Variants in CA10 observed in about 807,000 individuals in gnomAD.
CA10 encodes the protein carbonic anhydrase-related protein 10.
In CA10, 14 loss-of-function variants were observed where a neutral mutation model predicts 44.2. The observed-to-expected ratio is 0.32, with a 90% confidence interval of 0.21 to 0.50. The LOEUF (loss-of-function observed/expected upper bound fraction) is 0.50, where lower values mean the gene tolerates loss of function less well. Among genes scored for constraint, CA10 ranks in the 20% least tolerant of loss-of-function variants. The pLI, the probability that CA10 is intolerant of heterozygous loss-of-function variation, is 0.99. For missense variants in CA10, 350 were observed against 409.7 expected (o/e 0.85, Z 1.26); for synonymous variants, 159 against 141.6 (o/e 1.12, Z -0.87).
intron 2 of CA10, among the ~76,000 whole-genome samples, chr17:52,045,750 T>C (rs1986895492): frequency 6.6e-6 from 1 of 151,916 alleles, no homozygotes; most frequent in South Asian, 2.1e-4. Context: ...TTTCAACCAA[T>C]GGAACCTAAA....
intron 4 of CA10, among the ~76,000 whole-genome samples, chr17:51,675,429 G>A (rs1157937308): frequency 1.3e-5 from 2 of 152,070 alleles, no homozygotes; most frequent in African/African-American, 2.4e-5. Flanking sequence ...GCATGGTGCT[G>A]GGTGCCTGTA....
intron 3 of CA10, among the ~76,000 whole-genome samples, chr17:51,827,973 T>C (rs544075026): frequency 6.6e-6 from 1 of 152,314 alleles, no homozygotes; most frequent in African/African-American, 2.4e-5. Context: ...CAGGACAAAC[T>C]TGGAAACCTT....
chr17:51,890,930 C>G (rs1293763236), intron 3 of CA10, among the ~76,000 whole-genome samples: 1 of 152,042 alleles, frequency 6.6e-6, no homozygotes, highest in Non-Finnish European at 1.5e-5. Context: ...CGGAAAGAGT[C>G]TTATGAACCA....
intron 2 of CA10, among the ~76,000 whole-genome samples, chr17:52,065,012 G>A (rs1987495080): frequency 6.6e-6 from 1 of 152,148 alleles, no homozygotes; most frequent in Non-Finnish European, 1.5e-5. Context: ...TGGCCCACAA[G>A]GCCCTCTATG....
chr17:51,795,512 A>G (rs911289837), intron 3 of CA10, among the ~76,000 whole-genome samples: 3 of 152,228 alleles, frequency 2.0e-5, no homozygotes, highest in Non-Finnish European at 4.4e-5. Context: ...AGAAAAGGAA[A>G]AAGTATTTGC....
chr17:51,986,140 T>A (rs1598153355), intron 2 of CA10, among the ~76,000 whole-genome samples: 1 of 152,016 alleles, frequency 6.6e-6, no homozygotes, highest in African/African-American at 2.4e-5. Context: ...AACAACATGG[T>A]ACTGATATAA....
intron 2 of CA10, among the ~76,000 whole-genome samples, chr17:51,993,586 G>A (rs1171588009): frequency 6.6e-6 from 1 of 152,064 alleles, no homozygotes; most frequent in Non-Finnish European, 1.5e-5. Context: ...ACGGTGGAAT[G>A]TGAAGAAAAA....
At chr17:52,029,877 A>T (rs1986413252) in intron 2 of CA10, among the ~76,000 whole-genome samples, 1 of 152,154 alleles carries the variant, frequency 6.6e-6, no homozygotes, top group Admixed American at 6.5e-5. Flanking sequence ...AAGTGGATCT[A>T]CTCTATAATT....
chr17:52,042,684 C>A (rs983864032), intron 2 of CA10, among the ~76,000 whole-genome samples: 5 of 151,950 alleles, frequency 3.3e-5, no homozygotes, highest in South Asian at 2.1e-4. Context: ...AGACCAATAT[C>A]AAGGAGCTTT....
At chr17:52,074,396 G>T (rs1301369534) in intron 1 of CA10, among the ~76,000 whole-genome samples, 4 of 152,116 alleles carry the variant, frequency 2.6e-5, no homozygotes, top group African/African-American at 9.7e-5. Context: ...TTGCATCAGA[G>T]ATAAGCCAGG....
intron 6 of CA10, among the ~76,000 whole-genome samples, chr17:51,644,800 C>CTTTTT (rs148441183): frequency 1.7e-5 from 2 of 121,130 alleles, no homozygotes; most frequent in African/African-American, 6.2e-5. Context: ...CATTTCTTGG[C>CTTTTT]TTTTTTTTTT....
At chr17:52,091,841 A>G (rs1567730280) in intron 1 of CA10, among the ~76,000 whole-genome samples, 1 of 152,162 alleles carries the variant, frequency 6.6e-6, no homozygotes, top group Non-Finnish European at 1.5e-5. Context: ...AGGACTTCCT[A>G]AGAGGGCTGC....
chr17:51,665,999 T>C lies in CA10; in HGVS notation c.466-12263A>G, dbSNP rs554762583. Among the ~76,000 whole-genome samples the C allele has an allele frequency of 7.9e-5, 12 of 152,366 alleles. No homozygotes were observed. In the East Asian group the frequency reaches 2.3e-3, roughly 29 times the overall value. ...GGCCAAAAAATATGAATGTGCAGCT[T>C]AGTCCCAGGGTCTCCTGGCAGCCAC... On this transcript the variant is annotated intron_variant, in intron 4 of 8. Coordinates refer to ENST00000451037, the MANE Select transcript of CA10 (RefSeq NM_020178.5).
chr17:51,767,772 A>G (rs1905444612), intron 3 of CA10, among the ~76,000 whole-genome samples: 1 of 149,890 alleles, frequency 6.7e-6, no homozygotes, highest in Non-Finnish European at 1.5e-5. Flanking sequence ...GTGATGGGAG[A>G]CAGTGACAGA....
intron 2 of CA10, among the ~76,000 whole-genome samples, chr17:52,058,618 G>C (rs1987293734): frequency 6.6e-6 from 1 of 152,116 alleles, no homozygotes; most frequent in Non-Finnish European, 1.5e-5. Flanking sequence ...TTTTCAATCT[G>C]TTATTAAGTA....
chr17:51,922,375 G>T (rs1173490701), intron 3 of CA10, among the ~76,000 whole-genome samples: 1 of 152,132 alleles, frequency 6.6e-6, no homozygotes, highest in Non-Finnish European at 1.5e-5. Flanking sequence ...GGTCATCCAT[G>T]GCCATGTATT....
chr17:51,873,821 C>T (rs1979927522), intron 3 of CA10, among the ~76,000 whole-genome samples: 1 of 152,144 alleles, frequency 6.6e-6, no homozygotes, highest in Non-Finnish European at 1.5e-5. Flanking sequence ...CTTCAGCCCA[C>T]CCAATGATGT....
At chr17:51,931,174 G>C (rs1390377238) in intron 2 of CA10, 42 bp from the exon 3 acceptor site, 1 of 1,598,934 alleles carries the variant, frequency 6.3e-7, no homozygotes, top group Non-Finnish European at 8.5e-7. Flanking sequence ...TGAGTAGCAG[G>C]TTGGGGAAAC....
intron 3 of CA10, among the ~76,000 whole-genome samples, chr17:51,883,839 G>A (rs1980481034): frequency 6.6e-6 from 1 of 152,064 alleles, no homozygotes; most frequent in African/African-American, 2.4e-5. Context: ...CCCTGTCCAG[G>A]ATTCTAGGTT....
Sources: allele counts gnomAD v4.1 joint callset (sites outside exome capture counted in the v4.1 genomes callset), GRCh38; gene constraint gnomAD v4.1.1; transcripts MANE v1.5; gene names NCBI Gene and HGNC (gene_info 2026-07-23, HGNC 2026-07-21).